The following NLRP12 variants were observed in gnomAD, a reference collection of about 807,000 sequenced individuals.
NLRP12 encodes NACHT, LRR and PYD domains-containing protein 12.
In NLRP12, 108 loss-of-function variants were observed where a neutral mutation model predicts 91.2. The observed-to-expected ratio is 1.18, with a 90% confidence interval of 1.01 to 1.39. The LOEUF is 1.39. Among genes scored for constraint, NLRP12 ranks in the 40% most tolerant of loss-of-function variants. The pLI is 0.00. For synonymous variants in NLRP12, 613 were observed against 566.7 expected (o/e 1.08, Z -1.16); for missense variants, 1,530 against 1,352.7 (o/e 1.13, Z -2.06).
intron 1 of NLRP12, among the ~76,000 whole-genome samples, chr19:53,818,933 G>C (rs186477817): frequency 1.3e-5 from 2 of 152,214 alleles, no homozygotes; most frequent in Admixed American, 1.3e-4. Context: ...TTTACAGATG[G>C]AGATGGAGGC....
chr19:53,822,204 A>G (rs1249292226), intron 1 of NLRP12, among the ~76,000 whole-genome samples: 2 of 152,186 alleles, frequency 1.3e-5, no homozygotes, highest in Admixed American at 1.3e-4. Flanking sequence ...ATACCCATGT[A>G]ACAAACCTGC....
chr19:53,798,114 CCT>C, intron 8 of NLRP12, 127 bp downstream of exon 8: 1 of 1,059,698 alleles, frequency 9.4e-7, no homozygotes, highest in Non-Finnish European at 1.4e-6. Context: ...TTTCTTTCCA[CCT>C]CTCTTCTTGC....
At chr19:53,815,216 CCAAT>C (rs2092139494) in intron 1 of NLRP12, among the ~76,000 whole-genome samples, 1 of 145,362 alleles carries the variant, frequency 6.9e-6, no homozygotes, top group Non-Finnish European at 1.5e-5. Context: ...CTCCATCCAT[CCAAT>C]CAGTCTTTTT....
chr19:53,821,024 A>ATT (rs916766607), intron 1 of NLRP12, among the ~76,000 whole-genome samples: 4 of 115,892 alleles, frequency 3.5e-5, no homozygotes, highest in African/African-American at 1.0e-4. Context: ...TATAAATCAT[A>ATT]TTTTTTCTTT....
rs539741111 is a variant in NLRP12, at chr19:53,805,307, TG to T, written c.2386del (p.His796IlefsTer8). The T allele has an allele frequency of 1.6e-4, 260 of 1,614,094 alleles. No homozygotes were observed. The African/African-American group carries it at 3.1e-3, about 19-fold the overall frequency. ...AATCATCTGCAGCCTGCACTGGGGA[TG>T]CCGCAGGCCCTCGCAAAGCAGCATC... ...GMMLLCEGLR[H>X]PQCRLQMIQL... On this transcript the variant is annotated frameshift_variant, in exon 5 of 10. Coordinates refer to ENST00000324134, the MANE Select transcript of NLRP12 (RefSeq NM_144687.4). LOFTEE classifies it high-confidence loss of function.
chr19:53,815,061 A>T (rs1030431795), intron 1 of NLRP12, 73 bp from the exon 2 acceptor site: 6 of 1,118,392 alleles, frequency 5.4e-6, no homozygotes, highest in African/African-American at 4.6e-5. Flanking sequence ...AGCTGCGATT[A>T]CGTCGAAATG....
chr19:53,809,536 A>C (rs756849000), intron 3 of NLRP12, 51 bp downstream of exon 3: 3 of 1,460,826 alleles, frequency 2.1e-6, no homozygotes, highest in Non-Finnish European at 2.8e-6. Context: ...AAAAAAAAAA[A>C]AAAAACACAC....
At chr19:53,803,637 G>T in intron 6 of NLRP12, 1 of 380,984 alleles carries the variant, frequency 2.6e-6, no homozygotes, top group Non-Finnish European at 5.1e-6. Flanking sequence ...GCAGTGACGT[G>T]ATCTCAGCTC....
At chr19:53,801,037 C>CA (rs1423503863) in intron 7 of NLRP12, among the ~76,000 whole-genome samples, 190 bp downstream of exon 7, 6 of 140,072 alleles carry the variant, frequency 4.3e-5, no homozygotes, top group African/African-American at 1.6e-4. Flanking sequence ...ACTAAAAATA[C>CA]AAAAAATTAG....
intron 1 of NLRP12, among the ~76,000 whole-genome samples, chr19:53,823,402 A>AT (rs1396073380): frequency 9.0e-5 from 12 of 132,966 alleles, no homozygotes; most frequent in South Asian, 4.4e-4. Flanking sequence ...TTAAATATAT[A>AT]TTTAAAATAT....
chr19:53,823,318 TA>T (rs2092287650), intron 1 of NLRP12, among the ~76,000 whole-genome samples: 11 of 134,938 alleles, frequency 8.2e-5, no homozygotes, highest in African/African-American at 3.2e-4. Context: ...ATTTATATAA[TA>T]AATATATACT....
In NLRP12 at chr19:53,810,808, C is replaced by T. The variant is rs537256190; in HGVS notation, c.851G>A (p.Arg284Gln). The change falls in exon 3 of 10, where the codon CGA (arginine) becomes CAA (glutamine). Residue 284 changes from arginine (R) to glutamine (Q), a missense_variant. By Grantham distance (43) the Arg-to-Gln change is conservative (BLOSUM62 1). Coordinates refer to ENST00000324134, the MANE Select transcript of NLRP12 (RefSeq NM_144687.4). ...GATGAAAAGGAGGCGCTCGGGAACT[C>T]GGATGAGCTCCTGGAGAGGCGCGCT... is the stretch of plus-strand genomic sequence containing the variant. Reference protein sequence around the residue: ...EPSAPLQELIRVPERLLFIID... With the variant: ...EPSAPLQELIQVPERLLFIID... 1.2e-6 allele frequency: 2 copies of T among 1,614,060 alleles called. No individual in the cohort carries two copies. Among genetic ancestry groups the T allele is most frequent in the Admixed American group, 1.7e-5 (1 of 59,984 alleles).
At chr19:53,797,418 C>T (rs995451676) in intron 8 of NLRP12, among the ~76,000 whole-genome samples, 4 of 151,730 alleles carry the variant, frequency 2.6e-5, no homozygotes, top group East Asian at 1.9e-4. Context: ...CCACTGTGCC[C>T]GGCCTGAATT....
At chr19:53,795,780 G>T in intron 9 of NLRP12, 79 bp downstream of exon 9, 1 of 1,301,552 alleles carries the variant, frequency 7.7e-7, no homozygotes, top group Non-Finnish European at 1.1e-6. Flanking sequence ...TAACGTATTT[G>T]TCCATCCAGC....
chr19:53,803,825 T>G, intron 6 of NLRP12, 127 bp downstream of exon 6: 1 of 890,258 alleles, frequency 1.1e-6, no homozygotes, highest in Non-Finnish European at 1.8e-6. Context: ...CTGCCCTCTT[T>G]GGCCTCCCAA....
intron 1 of NLRP12, among the ~76,000 whole-genome samples, chr19:53,818,395 CG>C (rs1326833885): frequency 6.6e-6 from 1 of 151,776 alleles, no homozygotes; most frequent in African/African-American, 2.4e-5. Context: ...CAGGCCAGCG[CG>C]GTGGCTCACG....
intron 1 of NLRP12, among the ~76,000 whole-genome samples, chr19:53,819,402 G>C (rs1436290280): frequency 8.4e-6 from 1 of 118,632 alleles, no homozygotes; most frequent in Admixed American, 1.0e-4. Flanking sequence ...GTGCCACTAC[G>C]CCTGGCTAAT....
rs538919926 is a variant in NLRP12 at position 53,821,145 on chromosome 19, C to T, written c.289+2741G>A. Among the ~76,000 whole-genome samples, 6 of 148,424 alleles carry T rather than the reference C, an allele frequency of 4.0e-5. No homozygotes were observed. In the South Asian group the frequency reaches 1.3e-3, roughly 32 times the overall value. On this transcript the variant is annotated intron_variant, in intron 1 of 9. Coordinates refer to ENST00000324134, the MANE Select transcript of NLRP12 (RefSeq NM_144687.4). ...CCACCGCCTGGGTTCAAGTGATTCTCCTGTCTCAGCCTCTAGATTAGCAGG... is the reference window on the plus strand; with the variant it reads ...CCACCGCCTGGGTTCAAGTGATTCTTCTGTCTCAGCCTCTAGATTAGCAGG...
Position 53,819,668 on chromosome 19 carries a change from C to CGT in NLRP12, c.289+4217_289+4218insAC, listed in dbSNP as rs1555799178. Among the ~76,000 whole-genome samples, 2 of 8,650 alleles carry CGT rather than the reference C, an allele frequency of 2.3e-4. 1 individual carries two copies. Among genetic ancestry groups the CGT allele is most frequent in the African/African-American group, 8.3e-4 (2 of 2,420 alleles). The allele number at this position is 8,650 out of a possible 152,430, so 5.7% of individuals were successfully genotyped here. A position where few individuals can be genotyped will look rare whatever the true frequency, so the allele number is the denominator to read the frequency against. ...ATACGTATATATATACACATGTATA[C>CGT]ATATATGTATGTATACATATATATA... On this transcript the variant is annotated intron_variant, in intron 1 of 9. Transcript: ENST00000324134.
Sources: gnomAD v4.1 joint callset for allele counts (sites outside exome capture counted in the v4.1 genomes callset) on GRCh38, gnomAD v4.1.1 for gene constraint, MANE v1.5 for transcripts, NCBI Gene and HGNC (gene_info 2026-07-23, HGNC 2026-07-21) for gene names.